Variants in BTBD7 observed in about 807,000 individuals in gnomAD.
The protein encoded by BTBD7 is BTB/POZ domain-containing protein 7.
In BTBD7, 38 loss-of-function variants were observed where a neutral mutation model predicts 99.9. The ratio of observed to expected loss-of-function variants is 0.38; its 90% CI spans 0.29 to 0.50. The LOEUF is 0.50. BTBD7 is among the 20% of genes least tolerant of loss of function. The pLI is 0.93. For missense variants in BTBD7, 1,170 were observed against 1,394.6 expected (o/e 0.84, Z 2.57); for synonymous variants, 520 against 511.4 (o/e 1.02, Z -0.23).
chr14:93,271,094 T>C (rs1284149728), intron 3 of BTBD7, among the ~76,000 whole-genome samples: 2 of 152,224 alleles, frequency 1.3e-5, no homozygotes, highest in African/African-American at 4.8e-5. Context: ...ATGACTGTAT[T>C]GCTGCATGTT....
At chr14:93,244,098 G>T in intron 10 of BTBD7, 1 of 486,566 alleles carries the variant, frequency 2.1e-6, no homozygotes, top group East Asian at 5.9e-5. Context: ...GGAAGGGCAA[G>T]GATTCTCTGT....
At chr14:93,301,623 A>T (rs191292043) in intron 1 of BTBD7, among the ~76,000 whole-genome samples, 2 of 152,286 alleles carry the variant, frequency 1.3e-5, no homozygotes, top group East Asian at 3.9e-4. Flanking sequence ...CAGGAGTTCG[A>T]GGCTGCAGTG....
intron 3 of BTBD7, among the ~76,000 whole-genome samples, chr14:93,283,416 T>C (rs1165749081): frequency 1.3e-5 from 2 of 152,228 alleles, no homozygotes; most frequent in African/African-American, 4.8e-5. Context: ...AATTTAGACA[T>C]TTAATGGATT....
At position 93,246,262 on chromosome 14, in the gene BTBD7, C is replaced by T. The variant is rs2052308723; in HGVS notation, c.2146G>A (p.Glu716Lys). The change falls in exon 10 of 11, where the codon GAA becomes AAA. Residue 716 changes from glutamate (E) to lysine (K), a missense_variant. Glu to Lys is a moderately conservative substitution (Grantham distance 56). This residue lies in a region of BTBD7 where 495 missense variants were observed against 525.9 expected (regional missense o/e 0.94). Coordinates refer to ENST00000334746, the MANE Select transcript of BTBD7 (RefSeq NM_001002860.4). Reference protein sequence around the residue: ...LQNPHKFFPDERFGDESPLLT... With the variant: ...LQNPHKFFPDKRFGDESPLLT... ...AGTGGACTTTCATCCCCAAAACGTT[C>T]ATCAGGAAAGAATTTGTGAGGATTC... 6.8e-7 allele frequency: 1 copy of T among 1,474,468 alleles called. No homozygotes were observed. Among genetic ancestry groups the T allele is most frequent in the African/African-American group, 1.4e-5 (1 of 69,192 alleles). 91.3% of individuals were successfully genotyped at this position (1,474,468 alleles called of 1,614,324 possible).
chr14:93,282,173 G>C (rs1387188132), intron 3 of BTBD7, among the ~76,000 whole-genome samples: 1 of 152,150 alleles, frequency 6.6e-6, no homozygotes, highest in Non-Finnish European at 1.5e-5. Context: ...AAAGATCTTA[G>C]TGCAGTGTTT....
intron 1 of BTBD7, among the ~76,000 whole-genome samples, chr14:93,311,318 C>G (rs962511916): frequency 6.6e-6 from 1 of 152,124 alleles, no homozygotes; most frequent in African/African-American, 2.4e-5. Context: ...TCTGGTATTA[C>G]AACTTATTCC....
rs952877756 is a variant in BTBD7 at position 93,301,130 on chromosome 14, G to A, written c.-106-4973C>T. On this transcript the variant is annotated intron_variant, in intron 1 of 10. Coordinates refer to ENST00000334746, the MANE Select transcript of BTBD7 (RefSeq NM_001002860.4). ...AGTGCTTTGGGAGACTGAGGCAGGA[G>A]GACTGCTTGAGGCCAGGAGTTAGAG... Among the ~76,000 whole-genome samples the A allele has an allele frequency of 2.0e-5, 3 of 152,002 alleles. No individual in the cohort carries two copies. The East Asian group carries it at 5.8e-4, about 30-fold the overall frequency.
Position 93,257,241 on chromosome 14 carries a change from C to A in BTBD7, c.1562G>T (p.Arg521Leu), listed in dbSNP as rs758664842. 1.2e-6 allele frequency: 2 copies of A among 1,613,996 alleles called. No homozygotes were observed. The highest frequency in any genetic ancestry group is 1.7e-6 in the Non-Finnish European group (2 of 1,179,996). Residue 521 changes from arginine to leucine, a missense_variant, in exon 6 of 11, where the codon CGA becomes CTA. Coordinates refer to ENST00000334746, the MANE Select transcript of BTBD7 (RefSeq NM_001002860.4). Reference protein sequence around the residue: ...EILSSLLPFVRIEHILPINSE... With the variant: ...EILSSLLPFVLIEHILPINSE... ...GTTTATAGGTAAGATGTGTTCAATT[C>A]GCACAAAAGGTAAGAGAGAAGAAAG... is the stretch of plus-strand genomic sequence containing the variant.
At chr14:93,318,204 A>G (rs2053228948) in intron 1 of BTBD7, among the ~76,000 whole-genome samples, 1 of 152,220 alleles carries the variant, frequency 6.6e-6, no homozygotes, top group Middle Eastern at 3.2e-3. Flanking sequence ...AAATGACATT[A>G]TATTGTTTTG....
chr14:93,328,120 A>T (rs557758516), intron 1 of BTBD7, among the ~76,000 whole-genome samples: 1 of 152,222 alleles, frequency 6.6e-6, no homozygotes, highest in Admixed American at 6.5e-5. Context: ...TGAAATAAAG[A>T]CACAAATAAA....
intron 1 of BTBD7, among the ~76,000 whole-genome samples, chr14:93,319,756 ATGTAT>A (rs1250387079): frequency 2.6e-5 from 4 of 152,216 alleles, no homozygotes; most frequent in Admixed American, 6.5e-5. Context: ...GTCAACAATA[ATGTAT>A]TGTATACTTA....
At chr14:93,243,186 C>A in intron 10 of BTBD7, 98 bp from the exon 11 acceptor site, 1 of 1,185,180 alleles carries the variant, frequency 8.4e-7, no homozygotes. Context: ...ATAAAATTAA[C>A]ACATTCTGTT....
At chr14:93,296,241 G>T in intron 1 of BTBD7, 84 bp from the exon 2 acceptor site, 1 of 999,492 alleles carries the variant, frequency 1.0e-6, no homozygotes, top group African/African-American at 1.7e-5. Context: ...ACTGAAAACT[G>T]CTTTCATTCA....
chr14:93,307,706 A>G (rs2053087667), intron 1 of BTBD7, among the ~76,000 whole-genome samples: 1 of 152,184 alleles, frequency 6.6e-6, no homozygotes, highest in Non-Finnish European at 1.5e-5. Flanking sequence ...GTTAGCCTAT[A>G]TAAAATAACA....
intron 3 of BTBD7, among the ~76,000 whole-genome samples, chr14:93,282,203 A>G (rs1168012440): frequency 6.6e-6 from 1 of 152,222 alleles, no homozygotes; most frequent in African/African-American, 2.4e-5. Flanking sequence ...CAGCTAAGTA[A>G]TATCATTATC....
Position 93,306,859 on chromosome 14 carries a change from A to G in BTBD7, c.-106-10702T>C, listed in dbSNP as rs190686580. Among the ~76,000 whole-genome samples the G allele has an allele frequency of 7.2e-5, 11 of 152,314 alleles. No individual in the cohort carries two copies. The East Asian group carries it at 1.9e-3, about 27-fold the overall frequency. On this transcript the variant is annotated intron_variant, in intron 1 of 10. Transcript: ENST00000334746. ...TACTTGGTTATTAAAGTATTTTATT[A>G]TCTAAGATTTTTAGAGATCATTTCT... is the stretch of plus-strand genomic sequence containing the variant.
At chr14:93,274,546 G>A (rs1353963289) in intron 3 of BTBD7, among the ~76,000 whole-genome samples, 1 of 152,198 alleles carries the variant, frequency 6.6e-6, no homozygotes, top group Non-Finnish European at 1.5e-5. Flanking sequence ...AGACAATCCT[G>A]AAGTACATTC....
At chr14:93,267,726 C>T (rs529897765) in intron 3 of BTBD7, among the ~76,000 whole-genome samples, 1 of 152,180 alleles carries the variant, frequency 6.6e-6, no homozygotes, top group Non-Finnish European at 1.5e-5. Context: ...GGTTCTTCTC[C>T]GGATGCCCAT....
Position 93,242,686 on chromosome 14 carries a change from G to T in BTBD7, c.2986C>A (p.Gln996Lys). The T allele has an allele frequency of 1.4e-5, 23 of 1,614,198 alleles. No homozygotes were observed. The highest frequency in any genetic ancestry group is 1.9e-5 in the Non-Finnish European group (23 of 1,180,040). The change falls in exon 11 of 11, where the codon CAG becomes AAG. Residue 996 changes from glutamine to lysine, a missense_variant. Transcript: ENST00000334746. ...SGLKSAYLPG[Q>K]TSPKKQEEAR... ...TCTTCCTGTTTTTTAGGAGACGTCTGACCAGGTAGGTAGGCTGACTTTAAG... is the reference window on the plus strand; with the variant it reads ...TCTTCCTGTTTTTTAGGAGACGTCTTACCAGGTAGGTAGGCTGACTTTAAG...
Sources: gnomAD v4.1 joint callset for allele counts (sites outside exome capture counted in the v4.1 genomes callset) on GRCh38, gnomAD v4.1.1 for gene constraint, gnomAD v4.1.1 regional missense constraint, MANE v1.5 for transcripts, NCBI Gene and HGNC (gene_info 2026-07-23, HGNC 2026-07-21) for gene names.